The following SLC39A11 variants were observed in gnomAD, a reference collection of about 807,000 sequenced individuals.
The protein encoded by SLC39A11 is solute carrier family 39 member 11.
A neutral mutation model predicts 36.1 loss-of-function variants in SLC39A11; 33 were observed. The observed-to-expected ratio is 0.91, with a 90% confidence interval of 0.69 to 1.22. The LOEUF is 1.22. SLC39A11 is among the 50% of genes most tolerant of loss of function. The probability of loss-of-function intolerance (pLI) is 0.00; values close to 1 mark genes in which losing one functional copy is unlikely to be tolerated. For missense variants in SLC39A11, 432 were observed against 430.3 expected, an observed-to-expected ratio of 1.00 and a Z score of -0.03; for synonymous variants, 166 against 170.3, an observed-to-expected ratio of 0.97 and a Z score of 0.20.
chr17:72,800,773 T>C (rs371568886), intron 6 of SLC39A11, among the ~76,000 whole-genome samples: 25 of 151,972 alleles, frequency 1.6e-4, no homozygotes, highest in East Asian at 3.9e-4. Context: ...TGTTCGCAAA[T>C]AGAGAATTGA....
chr17:72,992,736 G>A (rs1241219765), intron 4 of SLC39A11, among the ~76,000 whole-genome samples: 1 of 152,022 alleles, frequency 6.6e-6, no homozygotes, highest in Non-Finnish European at 1.5e-5. Context: ...AAATACTAAT[G>A]CTAAAAAATA....
intron 6 of SLC39A11, chr17:72,822,150 G>C (rs1376255727): frequency 6.6e-6 from 1 of 150,892 alleles, no homozygotes; most frequent in Non-Finnish European, 1.5e-5. Flanking sequence ...GTCTTTGTCA[G>C]AGTAGGAGAC....
chr17:72,938,086 T>C (rs1421379247), intron 5 of SLC39A11, among the ~76,000 whole-genome samples: 1 of 152,204 alleles, frequency 6.6e-6, no homozygotes, highest in Non-Finnish European at 1.5e-5. Flanking sequence ...CTGAAAATCA[T>C]GTTTCCTTGA....
At chr17:72,653,870 G>A (rs1487916000) in intron 7 of SLC39A11, among the ~76,000 whole-genome samples, 1 of 152,134 alleles carries the variant, frequency 6.6e-6, no homozygotes, top group African/African-American at 2.4e-5. Context: ...GTGAGGCCCT[G>A]GGCAGGAAGT....
At chr17:72,765,507 T>G (rs2075729172) in intron 6 of SLC39A11, among the ~76,000 whole-genome samples, 1 of 152,230 alleles carries the variant, frequency 6.6e-6, no homozygotes, top group Non-Finnish European at 1.5e-5. Context: ...TTTCCTCATC[T>G]TGATAAATTG....
At chr17:73,019,530 G>T (rs1394797605) in intron 4 of SLC39A11, among the ~76,000 whole-genome samples, 6 of 152,114 alleles carry the variant, frequency 3.9e-5, no homozygotes, top group Non-Finnish European at 5.9e-5. Context: ...GACTATGATG[G>T]ACCATTACAA....
chr17:72,708,812 C>T (rs547045529), intron 7 of SLC39A11, among the ~76,000 whole-genome samples: 93 of 152,350 alleles, frequency 6.1e-4, no homozygotes, highest in Middle Eastern at 3.4e-3. Flanking sequence ...TGCTTTCTTG[C>T]CTTCCTGTGT....
intron 3 of SLC39A11, among the ~76,000 whole-genome samples, chr17:73,083,014 T>TCAAA (rs1224769045): frequency 1.8e-4 from 2 of 10,896 alleles, no homozygotes; most frequent in African/African-American, 6.6e-4. Flanking sequence ...AGACTCCATT[T>TCAAA]CAAAAAAAAA....
At chr17:72,671,892 T>C (rs2071038124) in intron 7 of SLC39A11, among the ~76,000 whole-genome samples, 1 of 152,098 alleles carries the variant, frequency 6.6e-6, no homozygotes, top group Non-Finnish European at 1.5e-5. Context: ...AGGGAGGTAT[T>C]GGTGAAAGGG....
chr17:72,859,686 G>A (rs2079852141), intron 5 of SLC39A11, among the ~76,000 whole-genome samples: 1 of 151,192 alleles, frequency 6.6e-6, no homozygotes, highest in African/African-American at 2.4e-5. Context: ...GTAGCCCAGG[G>A]CAGGAGAAGA....
intron 3 of SLC39A11, among the ~76,000 whole-genome samples, chr17:73,054,541 C>T (rs1226128730): frequency 1.3e-5 from 2 of 152,174 alleles, no homozygotes; most frequent in South Asian, 2.1e-4. Flanking sequence ...GGAAAGAAGA[C>T]AAACAATTAG....
chr17:72,692,073 C>T (rs561379554), intron 7 of SLC39A11, among the ~76,000 whole-genome samples: 22 of 151,342 alleles, frequency 1.5e-4, no homozygotes, highest in Middle Eastern at 3.4e-3. Flanking sequence ...TGCAGTGGCG[C>T]GATCTCGGCT....
At chr17:72,748,311 G>T (rs1178383736) in intron 6 of SLC39A11, among the ~76,000 whole-genome samples, 1 of 105,878 alleles carries the variant, frequency 9.4e-6, no homozygotes, top group Non-Finnish European at 1.9e-5. Flanking sequence ...AATAGAGGGA[G>T]ACTCCATCTC....
At chr17:73,013,865 G>T (rs965903140) in intron 4 of SLC39A11, among the ~76,000 whole-genome samples, 1 of 152,094 alleles carries the variant, frequency 6.6e-6, no homozygotes, top group Non-Finnish European at 1.5e-5. Context: ...GAGATGAGGA[G>T]GAAAGTAGGC....
intron 6 of SLC39A11, among the ~76,000 whole-genome samples, chr17:72,772,849 C>T (rs1159269134): frequency 1.1e-4 from 16 of 152,104 alleles, no homozygotes. Flanking sequence ...TTTGGGAGGC[C>T]AAGGTGGATG....
intron 4 of SLC39A11, among the ~76,000 whole-genome samples, chr17:73,029,227 C>T (rs1429239981): frequency 3.3e-5 from 5 of 152,024 alleles, no homozygotes; most frequent in East Asian, 1.9e-4. Context: ...CATCTGATAC[C>T]GCCCCACCAC....
At chr17:73,002,245 A>C (rs1256541787) in intron 4 of SLC39A11, among the ~76,000 whole-genome samples, 1 of 152,214 alleles carries the variant, frequency 6.6e-6, no homozygotes, top group Non-Finnish European at 1.5e-5. Context: ...CTTACAATCA[A>C]GGGAACATGG....
chr17:72,896,191 C>CTTT (rs1276093171), intron 5 of SLC39A11, among the ~76,000 whole-genome samples: 1 of 124,450 alleles, frequency 8.0e-6, no homozygotes, highest in African/African-American at 3.3e-5. Context: ...TCACATTAAT[C>CTTT]CTTTTTTTTT....
chr17:72,779,763 G>A (rs1473249144), intron 6 of SLC39A11, among the ~76,000 whole-genome samples: 1 of 152,204 alleles, frequency 6.6e-6, no homozygotes, highest in Non-Finnish European at 1.5e-5. Flanking sequence ...CTTCTCAGCT[G>A]CACCTACATC....
Sources: gnomAD v4.1 joint callset for allele counts (sites outside exome capture counted in the v4.1 genomes callset) on GRCh38, gnomAD v4.1.1 for gene constraint, MANE v1.5 for transcripts, NCBI Gene and HGNC (gene_info 2026-07-23, HGNC 2026-07-21) for gene names.